Variants in ROBO2 observed in about 807,000 individuals in gnomAD.
The protein encoded by ROBO2 is roundabout guidance receptor 2, also known as roundabout homolog 2.
In ROBO2, 53 loss-of-function variants were observed where a neutral mutation model predicts 160.8. The ratio of observed to expected loss-of-function variants is 0.33; its 90% confidence interval spans 0.26 to 0.41. The LOEUF (loss-of-function observed/expected upper bound fraction) is 0.41. Ranked by LOEUF, ROBO2 falls within the 10% of genes least tolerant of loss-of-function variation. The pLI is 1.00. For synonymous variants in ROBO2, 664 were observed against 611.7 expected (o/e 1.09, Z -1.26); for missense variants, 1,577 against 1,722.4 (o/e 0.92, Z 1.49).
intron 1 of ROBO2, among the ~76,000 whole-genome samples, chr3:75,911,173 A>G (rs1946565422): frequency 6.6e-6 from 1 of 152,204 alleles, no homozygotes; most frequent in Non-Finnish European, 1.5e-5. Context: ...TTCTTGAAGA[A>G]CTGTGATAAG....
chr3:76,024,907 G>A (rs2066688491), intron 2 of ROBO2, among the ~76,000 whole-genome samples: 1 of 150,334 alleles, frequency 6.7e-6, no homozygotes, highest in African/African-American at 2.4e-5. Flanking sequence ...TTCTGGGCAG[G>A]CATAAAAGTA....
chr3:77,128,472 C>T (rs906305938), intron 2 of ROBO2, among the ~76,000 whole-genome samples: 11 of 152,150 alleles, frequency 7.2e-5, no homozygotes. Context: ...GACTGCTGTA[C>T]ACAAAAATAA....
At chr3:77,563,372 C>T (rs376488156) in intron 11 of ROBO2, 43 bp downstream of exon 12, 1 of 1,578,994 alleles carries the variant, frequency 6.3e-7, no homozygotes, top group Non-Finnish European at 8.7e-7. Flanking sequence ...TTTGTCTTAG[C>T]TCCTTTATTC....
At chr3:77,120,331 G>T (rs1440253570) in intron 2 of ROBO2, among the ~76,000 whole-genome samples, 1 of 152,116 alleles carries the variant, frequency 6.6e-6, no homozygotes, top group Non-Finnish European at 1.5e-5. Context: ...AAAGATTTAG[G>T]CATTGGGAGA....
At chr3:76,897,076 A>G (rs190883539) in intron 2 of ROBO2, among the ~76,000 whole-genome samples, 38 of 152,262 alleles carry the variant, frequency 2.5e-4, no homozygotes, top group African/African-American at 9.1e-4. Context: ...GAAGGGTCTA[A>G]GAATATGGAC....
At chr3:76,252,505 G>A (rs998833361) in intron 2 of ROBO2, among the ~76,000 whole-genome samples, 7 of 151,810 alleles carry the variant, frequency 4.6e-5, no homozygotes, top group African/African-American at 1.2e-4. Flanking sequence ...AGTTGCATTC[G>A]TCACAGTTCT....
intron 2 of ROBO2, among the ~76,000 whole-genome samples, chr3:77,356,076 G>A (rs371025011): frequency 5.9e-5 from 9 of 152,084 alleles, no homozygotes; most frequent in African/African-American, 1.9e-4. Flanking sequence ...TATGTATGTG[G>A]GCATAGATTG....
At chr3:76,762,285 T>C (rs2061348211) in intron 2 of ROBO2, among the ~76,000 whole-genome samples, 1 of 151,654 alleles carries the variant, frequency 6.6e-6, no homozygotes, top group African/African-American at 2.4e-5. Context: ...AATAATATTA[T>C]ACGACTTAAA....
chr3:76,705,294 T>C (rs1028399179), intron 2 of ROBO2, among the ~76,000 whole-genome samples: 3 of 152,158 alleles, frequency 2.0e-5, no homozygotes, highest in Non-Finnish European at 2.9e-5. Flanking sequence ...AGTAATACAA[T>C]GTATAGTAAT....
intron 2 of ROBO2, among the ~76,000 whole-genome samples, chr3:76,723,196 C>T (rs879405636): frequency 1.3e-4 from 20 of 151,902 alleles, no homozygotes; most frequent in Non-Finnish European, 2.6e-4. Context: ...GTATGTATTA[C>T]AATAGTATAC....
chr3:76,287,350 C>T (rs1264050214), intron 2 of ROBO2, among the ~76,000 whole-genome samples: 2 of 150,832 alleles, frequency 1.3e-5, no homozygotes, highest in Admixed American at 1.3e-4. Flanking sequence ...GGCTGAAATG[C>T]AGTGGCACAA....
chr3:75,941,599 C>T (rs1473101214), intron 2 of ROBO2, among the ~76,000 whole-genome samples: 2 of 152,100 alleles, frequency 1.3e-5, no homozygotes, highest in Admixed American at 6.6e-5. Context: ...AAGCCAGTGG[C>T]GCTTACAACT....
intron 2 of ROBO2, among the ~76,000 whole-genome samples, chr3:76,196,815 T>C (rs978785422): frequency 1.3e-5 from 2 of 152,146 alleles, no homozygotes; most frequent in Admixed American, 1.3e-4. Flanking sequence ...CTGAATAAAT[T>C]GATATGTGAC....
intron 2 of ROBO2, among the ~76,000 whole-genome samples, chr3:77,394,752 C>T (rs986940050): frequency 4.9e-5 from 7 of 142,364 alleles, no homozygotes; most frequent in African/African-American, 1.8e-4. Context: ...TAATAATTGT[C>T]ATCATAGCTT....
At chr3:76,141,060 C>CATATATATATATATATATATATATAT (rs55691222) in intron 2 of ROBO2, among the ~76,000 whole-genome samples, 2,174 of 53,196 alleles carry the variant, frequency 0.041, 198 homozygotes, top group Non-Finnish European at 0.055. Context: ...TTTTTACATA[C>CATATATATATATATATATATATATAT]ATATATATAT....
chr3:77,555,064 A>G (rs553496145), intron 8 of ROBO2, among the ~76,000 whole-genome samples: 2 of 152,102 alleles, frequency 1.3e-5, no homozygotes, highest in East Asian at 1.9e-4. Context: ...TCAGTTAGCA[A>G]CCATCAGCAC....
At chr3:76,253,485 G>A (rs532789980) in intron 2 of ROBO2, among the ~76,000 whole-genome samples, 3 of 151,204 alleles carry the variant, frequency 2.0e-5, no homozygotes, top group Non-Finnish European at 4.4e-5. Context: ...TGTTGCTCAG[G>A]CTGGTCTTGA....
chr3:76,187,342 A>T (rs1203850123), intron 2 of ROBO2, among the ~76,000 whole-genome samples: 3 of 152,022 alleles, frequency 2.0e-5, no homozygotes, highest in Non-Finnish European at 4.4e-5. Flanking sequence ...TGGTATGAAC[A>T]TGGCTTATCA....
chr3:77,395,961 T>C (rs969232855), intron 2 of ROBO2, among the ~76,000 whole-genome samples: 1 of 151,996 alleles, frequency 6.6e-6, no homozygotes, highest in Non-Finnish European at 1.5e-5. Context: ...TTCTGAAATT[T>C]CAACTGCTAG....
Sources: gnomAD v4.1 joint callset for allele counts (sites outside exome capture counted in the v4.1 genomes callset) on GRCh38, gnomAD v4.1.1 for gene constraint, MANE v1.5 for transcripts, NCBI Gene and HGNC (gene_info 2026-07-23, HGNC 2026-07-21) for gene names.